IL6ST: variants seen among roughly 807,000 people sequenced by gnomAD.
IL6ST encodes the protein interleukin-6 receptor subunit beta.
Under a neutral mutation model 91.3 loss-of-function variants are expected in IL6ST, and 24 were observed. That is an observed-to-expected ratio of 0.26 (90% confidence interval 0.19 to 0.37). The LOEUF is 0.37. IL6ST is among the 10% of genes least tolerant of loss of function. The pLI is 1.00. For missense variants in IL6ST, 914 were observed against 1,078.5 expected, an observed-to-expected ratio of 0.85 and a Z score of 2.14; for synonymous variants, 351 against 373.6, an observed-to-expected ratio of 0.94 and a Z score of 0.70.
chr5:55,965,817 A>C (rs1171721203), intron 5 of IL6ST, among the ~76,000 whole-genome samples: 3 of 150,216 alleles, frequency 2.0e-5, no homozygotes, highest in Admixed American at 2.0e-4. Context: ...TCTGTCTCAA[A>C]AAAAAAAAAA....
At chr5:55,948,917 C>T (rs1176882782) in intron 14 of IL6ST, 1 of 152,086 alleles carries the variant, frequency 6.6e-6, no homozygotes, top group African/African-American at 2.4e-5. Flanking sequence ...ATTTCTTCAA[C>T]TAAGCTGTAA....
At chr5:55,990,710 T>C (rs538506361) in intron 1 of IL6ST, among the ~76,000 whole-genome samples, 2 of 152,290 alleles carry the variant, frequency 1.3e-5, no homozygotes, top group African/African-American at 4.8e-5. Context: ...CATAGGTACA[T>C]GCTCATGAAC....
In IL6ST at chr5:55,968,358, T is replaced by G. The variant is rs761984999; in HGVS notation, c.409A>C (p.Asn137His). 1 of 1,611,290 alleles carries G rather than the reference T, an allele frequency of 6.2e-7. No individual in the cohort carries two copies. ...TCACACCTCATTTTCTTCCCCTCGT[T>G]CACAATGCAACTCAAATTTTTAGGT... is the stretch of plus-strand genomic sequence containing the variant. ...EKPKNLSCIV[N>H]EGKKMRCEWD... The change falls in exon 5 of 17, where the codon AAC becomes CAC. Residue 137 changes from asparagine (N) to histidine (H), a missense_variant. By Grantham distance (68) the Asn-to-His change is moderately conservative (BLOSUM62 1). Transcript: ENST00000381298.
intron 14 of IL6ST, chr5:55,948,959 A>G (rs948554860): frequency 2.6e-5 from 4 of 152,208 alleles, no homozygotes; most frequent in Non-Finnish European, 5.9e-5. Context: ...AGCCATGTGA[A>G]GAAGCCATAA....
intron 8 of IL6ST, among the ~76,000 whole-genome samples, chr5:55,960,042 C>T (rs376343849): frequency 2.6e-5 from 4 of 151,998 alleles, no homozygotes; most frequent in South Asian, 2.1e-4. Flanking sequence ...CCCACCACCA[C>T]GCCCGGCTAA....
At chr5:55,945,036 AAATC>A (rs1056193248) in intron 15 of IL6ST, among the ~76,000 whole-genome samples, 12 of 141,478 alleles carry the variant, frequency 8.5e-5, no homozygotes, top group East Asian at 3.9e-4. Flanking sequence ...CTGAGGAATT[AAATC>A]AAAAAAAAAA....
chr5:55,965,265 T>C (rs1282844208), intron 5 of IL6ST, among the ~76,000 whole-genome samples: 1 of 152,192 alleles, frequency 6.6e-6, no homozygotes, highest in Middle Eastern at 3.2e-3. Context: ...ATTCTGCAGC[T>C]GCTGTATTAA....
In IL6ST at chr5:55,964,239, C is replaced by G. The variant is rs751581504; in HGVS notation, c.565G>C (p.Val189Leu). 6.2e-7 allele frequency: 1 copy of G among 1,610,716 alleles called. No individual in the cohort carries two copies. Among genetic ancestry groups the G allele is most frequent in the African/African-American group, 1.3e-5 (1 of 74,820 alleles). ...CAGACTTCAATGTTGACAAAATACA[C>G]AGTAGAATAATCAACAGTGCATGAG... Reference protein sequence around the residue: ...PTSCTVDYSTVYFVNIEVWVE... With the variant: ...PTSCTVDYSTLYFVNIEVWVE... The change falls in exon 6 of 17, where the codon GTG becomes CTG. Residue 189 changes from valine (V) to leucine (L), a missense_variant. By Grantham distance (32) the Val-to-Leu change is conservative. Transcript: ENST00000381298.
intron 9 of IL6ST, 38 bp downstream of exon 9, chr5:55,957,171 A>G (rs769383471): frequency 2.7e-6 from 3 of 1,097,858 alleles, no homozygotes; most frequent in African/African-American, 1.6e-5. Flanking sequence ...AAAAAAAAAA[A>G]GATTTATAAG....
chr5:55,941,422 T>G lies in IL6ST; in HGVS notation c.2417A>C (p.Asp806Ala). 6.2e-7 allele frequency: 1 copy of G among 1,614,142 alleles called. No homozygotes were observed. The highest frequency in any genetic ancestry group is 1.1e-5 in the South Asian group (1 of 91,086). ...LQLVDHVDGG[D>A]GILPRQQYFK... The stretch of plus-strand genomic sequence containing the variant: ...GTACTGTTGCCTGGGCAAAATACCA[T>G]CACCGCCATCTACATGATCTACTAA... Residue 806 changes from aspartate to alanine, a missense_variant, in exon 17 of 17, where the codon GAT becomes GCT. Coordinates refer to ENST00000381298, the MANE Select transcript of IL6ST (RefSeq NM_002184.4).
At chr5:55,975,521 T>G (rs967716085) in intron 3 of IL6ST, among the ~76,000 whole-genome samples, 1 of 152,098 alleles carries the variant, frequency 6.6e-6, no homozygotes, top group Admixed American at 6.6e-5. Context: ...AGTGTGAGAA[T>G]GGACTAATAC....
chr5:55,971,809 A>T (rs1236078623), intron 3 of IL6ST, among the ~76,000 whole-genome samples: 1 of 152,154 alleles, frequency 6.6e-6, no homozygotes, highest in Non-Finnish European at 1.5e-5. Flanking sequence ...CAGTTTTTGC[A>T]GTCAAAATTG....
rs185984611 is a variant in IL6ST at position 55,971,278 on chromosome 5, A to T, written c.65-1423T>A. On this transcript the variant is annotated intron_variant, in intron 3 of 16. Transcript: ENST00000381298. The stretch of plus-strand genomic sequence containing the variant: ...CTCCTCTAACCTCCAACTTAACAAT[A>T]GTGCACTGTATTGGTTCTATATGCT... Among the ~76,000 whole-genome samples the T allele has an allele frequency of 3.6e-3, 549 of 152,230 alleles. 1 individual carries two copies. The highest frequency in any genetic ancestry group is 0.02 in the Middle Eastern group (6 of 294).
Position 55,940,599 on chromosome 5 carries a change from G to A in IL6ST, c.*483C>T, listed in dbSNP as rs950324026. On this transcript the variant is annotated 3_prime_UTR_variant, in exon 17 of 17. Transcript: ENST00000381298. ...CAAAAGCTGGGCTCATGTAGTTATG[G>A]CCTATGGACCTCTTTTTAAGTTATT... is the stretch of plus-strand genomic sequence containing the variant. 26 of 215,056 alleles carry A rather than the reference G, an allele frequency of 1.2e-4. No homozygotes were observed. The highest frequency in any genetic ancestry group is 9.7e-4 in the Admixed American group (17 of 17,492). The allele number at this position is 215,056 out of a possible 1,614,324, so 13.3% of individuals were successfully genotyped here.
chr5:55,969,804 T>C lies in IL6ST; in HGVS notation c.116A>G (p.Gln39Arg). ...GYISPESPVVQLHSNFTAVCV... is the reference protein window; with the variant it reads ...GYISPESPVVRLHSNFTAVCV... ...AACTGCAGTGAAATTAGAATGAAGT[T>C]GTACAACTGGAGATTCAGGACTGAT... Residue 39 changes from glutamine (Q) to arginine (R), a missense_variant, in exon 4 of 17, where the codon CAA (glutamine) becomes CGA (arginine). By Grantham distance (43) the Gln-to-Arg change is conservative (BLOSUM62 1). Coordinates refer to ENST00000381298, the MANE Select transcript of IL6ST (RefSeq NM_002184.4). 1.2e-6 allele frequency: 2 copies of C among 1,611,422 alleles called. No individual in the cohort carries two copies. The highest frequency in any genetic ancestry group is 2.2e-5 in the East Asian group (1 of 44,768).
Position 55,939,068 on chromosome 5 carries a change from G to A in IL6ST, c.*2014C>T, listed in dbSNP as rs1750715048. ...CATTCTTCATGACACTATTTGTTAT[G>A]AGGAAAGTTGCAGCTAAATATTAGT... On this transcript the variant is annotated 3_prime_UTR_variant, in exon 17 of 17. Coordinates refer to ENST00000381298, the MANE Select transcript of IL6ST (RefSeq NM_002184.4). 1 of 206,188 alleles carries A rather than the reference G, an allele frequency of 4.8e-6. No individual in the cohort carries two copies. The highest frequency in any genetic ancestry group is 9.9e-6 in the Non-Finnish European group (1 of 100,926). 12.8% of individuals were successfully genotyped at this position (206,188 alleles called of 1,614,324 possible).
chr5:55,963,802 T>A (rs974554489), intron 6 of IL6ST, among the ~76,000 whole-genome samples: 1 of 152,174 alleles, frequency 6.6e-6, no homozygotes, highest in Admixed American at 6.5e-5. Context: ...GGAACATACA[T>A]ACTGTAATTA....
intron 1 of IL6ST, among the ~76,000 whole-genome samples, chr5:55,993,337 T>TTCC (rs1412477800): frequency 2.0e-5 from 3 of 152,232 alleles, no homozygotes; most frequent in Non-Finnish European, 4.4e-5. Context: ...AGACTCCTGT[T>TTCC]TCCTTCTCTA....
chr5:55,943,408 T>C lies in IL6ST; in HGVS notation c.1938-657A>G, dbSNP rs550725639. Among the ~76,000 whole-genome samples, 8 of 152,330 alleles carry C rather than the reference T, an allele frequency of 5.3e-5. No homozygotes were observed. In the East Asian group the frequency reaches 9.6e-4, roughly 18 times the overall value. On this transcript the variant is annotated intron_variant, in intron 15 of 16. Transcript: ENST00000381298. ...GGGCAAAAGGAAACAATTGTATTAA[T>C]ACTATACAAACTCTTTCAGAAAACA...
Sources: gnomAD v4.1 joint callset for allele counts (sites outside exome capture counted in the v4.1 genomes callset) on GRCh38, gnomAD v4.1.1 for gene constraint, MANE v1.5 for transcripts, NCBI Gene and HGNC (gene_info 2026-07-23, HGNC 2026-07-21) for gene names.